Variants in TOGARAM2 observed in about 807,000 individuals in gnomAD.
TOGARAM2 encodes TOG array regulator of axonemal microtubules 2.
TOGARAM2 carries 85 observed loss-of-function variants against 93.3 expected under a neutral mutation model. The observed-to-expected ratio is 0.91, with a 90% CI of 0.76 to 1.09. The LOEUF (loss-of-function observed/expected upper bound fraction) is 1.09, where lower values mean the gene tolerates loss of function less well. Among genes scored for constraint, TOGARAM2 ranks in the 50% least tolerant of loss-of-function variants. The pLI, the probability that TOGARAM2 is intolerant of heterozygous loss-of-function variation, is 0.00. For missense variants in TOGARAM2, 1,277 were observed against 1,334.5 expected (o/e 0.96, Z 0.67); for synonymous variants, 593 against 552.8 (o/e 1.07, Z -1.02).
rs1426201631 is a variant in TOGARAM2 at position 29,022,248 on chromosome 2, C to G, written c.1451C>G (p.Pro484Arg). The G allele has an allele frequency of 6.2e-7, 1 of 1,614,030 alleles. No individual in the cohort carries two copies. Reference protein sequence around the residue: ...MDLRACKELRPFSNPELGLRD... With the variant: ...MDLRACKELRRFSNPELGLRD... The stretch of plus-strand genomic sequence containing the variant: ...CTTAGAGCCTGTAAGGAGTTGAGGC[C>G]TTTCTCGAACCCGGAGCTGGGGCTG... The change falls in exon 11 of 20, where the codon CCT becomes CGT. Residue 484 changes from proline (P) to arginine (R), a missense_variant. Transcript: ENST00000379558.
At chr2:29,010,054 TGTTGG>T (rs1664136563) in intron 6 of TOGARAM2, among the ~76,000 whole-genome samples, 7 of 98,676 alleles carry the variant, frequency 7.1e-5, no homozygotes, top group Non-Finnish European at 1.4e-4. Context: ...TGTGTGTGTG[TGTTGG>T]GGGGGCGCAG....
chr2:29,001,020 G>C (rs1029991949), intron 4 of TOGARAM2, among the ~76,000 whole-genome samples: 1 of 152,246 alleles, frequency 6.6e-6, no homozygotes, highest in South Asian at 2.1e-4. Flanking sequence ...CTGATGGGCA[G>C]TGACCTATAG....
chr2:28,960,743 A>G (rs1402814458), intron 1 of TOGARAM2, among the ~76,000 whole-genome samples: 3 of 152,238 alleles, frequency 2.0e-5, no homozygotes, highest in Non-Finnish European at 2.9e-5. Flanking sequence ...CTGTGATGAC[A>G]GAAATGTTCT....
In TOGARAM2 at chr2:29,035,539, A is replaced by G. The variant is rs1427532611; in HGVS notation, c.2301A>G (p.Leu767=). Residue 767 remains leucine (L), a synonymous_variant, in exon 17 of 20, where the codon CTA becomes CTG. Coordinates refer to ENST00000379558, the MANE Select transcript of TOGARAM2 (RefSeq NM_199280.4). ...GCCGCGGGGAGATGGTGGAGCAGCT[A>G]CGGGAGCTGACACGGCTGCTGGAGG... is the stretch of plus-strand genomic sequence containing the variant. The part of the protein sequence containing the change: ...LQGRGEMVEQ[L]RELTRLLEAK... 1 of 1,576,948 alleles carries G rather than the reference A, an allele frequency of 6.3e-7. No homozygotes were observed. Among genetic ancestry groups the G allele is most frequent in the Non-Finnish European group, 8.6e-7 (1 of 1,161,322 alleles).
At chr2:28,976,483 C>T (rs143185850), upstream of TOGARAM2, among the ~76,000 whole-genome samples, 186 of 152,346 alleles carry the variant, frequency 1.2e-3, 3 homozygotes, top group African/African-American at 4.1e-3. Flanking sequence ...CTCCATCTCT[C>T]GAGCTTTCCT....
At chr2:29,046,992 A>G (rs1204312570) in intron 19 of TOGARAM2, 1 of 152,600 alleles carries the variant, frequency 6.6e-6, no homozygotes, top group African/African-American at 2.4e-5. Flanking sequence ...TGGTCTGTCT[A>G]CTGCCCTCCC....
At chr2:29,003,385 T>C (rs1270867703) in intron 5 of TOGARAM2, 107 bp from the exon 6 acceptor site, 12 of 935,716 alleles carry the variant, frequency 1.3e-5, no homozygotes, top group Middle Eastern at 4.8e-4. Flanking sequence ...CAGGGTGGTG[T>C]GGCTGAAAAG....
chr2:29,050,553 C>T (rs1407379957), intron 19 of TOGARAM2: 1 of 152,128 alleles, frequency 6.6e-6, no homozygotes, highest in Non-Finnish European at 1.5e-5. Flanking sequence ...AGCATCCTGC[C>T]TCTCAGGGGT....
chr2:28,999,168 C>G lies in TOGARAM2; in HGVS notation c.140-13C>G. 1 of 1,602,894 alleles carries G rather than the reference C, an allele frequency of 6.2e-7. No homozygotes were observed. Among genetic ancestry groups the G allele is most frequent in the South Asian group, 1.1e-5 (1 of 89,438 alleles). On this transcript the variant is annotated splice_polypyrimidine_tract_variant and intron_variant, in intron 3 of 19. Transcript: ENST00000379558. Reference sequence around the variant, plus strand: ...ACTGCGTGCCAAGCCATTCACACCTCTGTCCCCCTCAGGTTCTCTCCAGCC... The same window carrying G: ...ACTGCGTGCCAAGCCATTCACACCTGTGTCCCCCTCAGGTTCTCTCCAGCC...
intron 14 of TOGARAM2, among the ~76,000 whole-genome samples, chr2:29,029,293 ACACACT>A (rs940031807): frequency 2.6e-5 from 4 of 152,044 alleles, no homozygotes; most frequent in African/African-American, 7.2e-5. Context: ...ACACACACAC[ACACACT>A]GGAATACTTA....
chr2:29,011,444 G>A lies in TOGARAM2; in HGVS notation c.831-11G>A, dbSNP rs536755744. The A allele has an allele frequency of 4.3e-5, 69 of 1,610,366 alleles. 1 individual carries two copies. Among genetic ancestry groups the A allele is most frequent in the East Asian group, 2.5e-4 (11 of 44,448 alleles). Reference sequence around the variant, plus strand: ...CCCTCATGATGCTTTTCTCTCCCCCGTTCTTTTAAGATTGGCTCGGGGGAG... The same window carrying A: ...CCCTCATGATGCTTTTCTCTCCCCCATTCTTTTAAGATTGGCTCGGGGGAG... On this transcript the variant is annotated splice_polypyrimidine_tract_variant and intron_variant, in intron 6 of 19. Transcript: ENST00000379558.
chr2:29,000,696 C>T (rs1673240089), intron 4 of TOGARAM2, among the ~76,000 whole-genome samples: 1 of 152,072 alleles, frequency 6.6e-6, no homozygotes, highest in Non-Finnish European at 1.5e-5. Context: ...CTGTTCTTCC[C>T]CTCCCCTGTG....
At chr2:28,960,951 G>A (rs1671798087) in intron 1 of TOGARAM2, among the ~76,000 whole-genome samples, 2 of 152,198 alleles carry the variant, frequency 1.3e-5, no homozygotes, top group Non-Finnish European at 2.9e-5. Flanking sequence ...GACATCAAAG[G>A]TGATGCTGTA....
chr2:28,987,444 C>T (rs7609305), intron 1 of TOGARAM2, among the ~76,000 whole-genome samples: 66,864 of 151,930 alleles, frequency 0.44, 15,320 homozygotes, highest in Middle Eastern at 0.53. Context: ...CATCCACCAC[C>T]ACGCCCAGCT....
chr2:29,008,359 T>G (rs1445536769), intron 6 of TOGARAM2, among the ~76,000 whole-genome samples: 1 of 152,112 alleles, frequency 6.6e-6, no homozygotes, highest in Non-Finnish European at 1.5e-5. Context: ...TCACATTGGT[T>G]AGGCTGGTCT....
In TOGARAM2 at chr2:29,051,788, C is replaced by A. The variant is rs1231303143; in HGVS notation, c.2755C>A (p.Gln919Lys). The A allele has an allele frequency of 1.3e-6, 2 of 1,538,254 alleles. No homozygotes were observed. The highest frequency in any genetic ancestry group is 1.4e-5 in the African/African-American group (1 of 73,080). Residue 919 changes from glutamine (Q) to lysine (K), a missense_variant, in exon 20 of 20, where the codon CAA (glutamine) becomes AAA (lysine). By Grantham distance (53) the Gln-to-Lys change is moderately conservative. Transcript: ENST00000379558. ...GGCCTCAGTTTACCCCCGGAAGCCTCAAGCTGTAGAGCGGCATGTCCTTCC... is the reference window on the plus strand; with the variant it reads ...GGCCTCAGTTTACCCCCGGAAGCCTAAAGCTGTAGAGCGGCATGTCCTTCC... ...LVASVYPRKP[Q>K]AVERHVLPIL...
intron 16 of TOGARAM2, among the ~76,000 whole-genome samples, chr2:29,034,042 C>A (rs7577189): frequency 1.3e-5 from 2 of 152,090 alleles, no homozygotes; most frequent in African/African-American, 4.8e-5. Context: ...GATGGTCACG[C>A]CTGTGCTTAA....
intron 2 of TOGARAM2, among the ~76,000 whole-genome samples, chr2:28,997,610 A>G (rs1673057760): frequency 6.6e-6 from 1 of 152,202 alleles, no homozygotes; most frequent in South Asian, 2.1e-4. Context: ...AAGAGGGAAG[A>G]TCAGTGTAGG....
chr2:29,051,502 A>T, intron 19 of TOGARAM2: 1 of 341,986 alleles, frequency 2.9e-6, no homozygotes, highest in African/African-American at 2.1e-5. Flanking sequence ...TCCATAAAAA[A>T]TATTTAAAAA....
Sources: allele counts gnomAD v4.1 joint callset (sites outside exome capture counted in the v4.1 genomes callset), GRCh38; gene constraint gnomAD v4.1.1; transcripts MANE v1.5; gene names NCBI Gene and HGNC (gene_info 2026-07-23, HGNC 2026-07-21).